NCAM1: variants seen among roughly 807,000 people sequenced by gnomAD.
NCAM1 encodes antigen recognized by monoclonal antibody 5.1H11.
NCAM1 carries 14 observed loss-of-function variants against 109.8 expected under a neutral mutation model. The ratio of observed to expected loss-of-function variants is 0.13; its 90% CI spans 0.08 to 0.20. NCAM1 has a LOEUF of 0.20. NCAM1 is among the 10% of genes least tolerant of loss of function. The pLI, the probability that NCAM1 is intolerant of heterozygous loss-of-function variation, is 1.00. For missense variants in NCAM1, 774 were observed against 1,109.9 expected (o/e 0.70, Z 4.30); for synonymous variants, 418 against 442.9 (o/e 0.94, Z 0.70).
At chr11:113,262,915 TG>T in intron 17 of NCAM1, 1 of 1,613,868 alleles carries the variant, frequency 6.2e-7, no homozygotes, top group Non-Finnish European at 8.5e-7. Context: ...ACTCTTCTTT[TG>T]CTCTGTTAGG....
At chr11:113,091,194 A>T (rs1361457814) in intron 1 of NCAM1, among the ~76,000 whole-genome samples, 4 of 152,062 alleles carry the variant, frequency 2.6e-5, no homozygotes, top group African/African-American at 9.7e-5. Flanking sequence ...GCTTCTCAAA[A>T]AGGTTAAGTA....
At chr11:113,064,916 A>G (rs1164991756) in intron 1 of NCAM1, among the ~76,000 whole-genome samples, 7 of 152,238 alleles carry the variant, frequency 4.6e-5, no homozygotes, top group African/African-American at 9.6e-5. Context: ...AGGTTAGTAT[A>G]CATACATATA....
chr11:113,174,464 A>G (rs921520621), intron 1 of NCAM1, among the ~76,000 whole-genome samples: 4 of 152,208 alleles, frequency 2.6e-5, no homozygotes, highest in Admixed American at 6.5e-5. Flanking sequence ...AAAATCTGCA[A>G]CAGTGATTTG....
At chr11:113,003,116 A>G (rs1263512067) in intron 1 of NCAM1, among the ~76,000 whole-genome samples, 2 of 152,244 alleles carry the variant, frequency 1.3e-5, no homozygotes, top group African/African-American at 4.8e-5. Context: ...ATCATTTAGA[A>G]GAGAAGCTTA....
Position 113,121,537 on chromosome 11 carries a change from CAAAAAAA to C in NCAM1, c.53-80827_53-80821del, listed in dbSNP as rs3051887. On this transcript the variant is annotated intron_variant, in intron 1 of 19. Coordinates refer to ENST00000316851, the MANE Select transcript of NCAM1 (RefSeq NM_181351.5). The stretch of plus-strand genomic sequence containing the variant: ...TGCCTGGCCAACACCACCAATCTTA[CAAAAAAA>C]AAAAAAAAAAAAAAGGCACTGTACT... Among the ~76,000 whole-genome samples the C allele has an allele frequency of 1.9e-3, 174 of 92,430 alleles. 4 individuals carry two copies. The South Asian group carries it at 0.074, about 39-fold the overall frequency. The allele number at this position is 92,430 out of a possible 152,430, so 60.6% of individuals were successfully genotyped here.
intron 1 of NCAM1, among the ~76,000 whole-genome samples, chr11:113,028,315 G>A (rs1223562625): frequency 6.6e-6 from 1 of 151,932 alleles, no homozygotes; most frequent in Admixed American, 6.6e-5. Flanking sequence ...CAATTATTAT[G>A]TGTCAATTAT....
chr11:113,187,306 TC>T (rs1325388571), intron 1 of NCAM1, among the ~76,000 whole-genome samples: 2 of 152,164 alleles, frequency 1.3e-5, no homozygotes, highest in African/African-American at 4.8e-5. Context: ...AGAATTGAAT[TC>T]ATTTTGGGCA....
intron 1 of NCAM1, among the ~76,000 whole-genome samples, chr11:112,969,233 G>A (rs1950809966): frequency 6.6e-6 from 1 of 152,036 alleles, no homozygotes; most frequent in African/African-American, 2.4e-5. Flanking sequence ...AGAGTAGTGG[G>A]GAGGAGTAGC....
At chr11:113,041,534 G>A (rs930466703) in intron 1 of NCAM1, among the ~76,000 whole-genome samples, 1 of 152,132 alleles carries the variant, frequency 6.6e-6, no homozygotes, top group Non-Finnish European at 1.5e-5. Context: ...GTTATGTAAT[G>A]GGGATGACTA....
At chr11:113,044,231 G>A (rs975466813) in intron 1 of NCAM1, among the ~76,000 whole-genome samples, 3 of 151,800 alleles carry the variant, frequency 2.0e-5, no homozygotes, top group African/African-American at 7.3e-5. Flanking sequence ...ACTTCTTCTG[G>A]GCATGGCAGC....
intron 1 of NCAM1, among the ~76,000 whole-genome samples, chr11:113,020,074 TCC>T (rs1221138547): frequency 3.3e-5 from 5 of 152,320 alleles, no homozygotes; most frequent in African/African-American, 1.2e-4. Context: ...ATCCTCCAAG[TCC>T]TTTGGGAGAC....
chr11:113,255,913 G>A lies in NCAM1; in HGVS notation c.1865G>A (p.Gly622Glu), dbSNP rs1591464260. 6.2e-7 allele frequency: 1 copy of A among 1,612,264 alleles called. No homozygotes were observed. The highest frequency in any genetic ancestry group is 1.3e-5 in the African/African-American group (1 of 74,906). ...PSAPKLEGQMGEDGNSIKVNL... is the reference protein window; with the variant it reads ...PSAPKLEGQMEEDGNSIKVNL... ...GCACCTAAGCTCGAAGGGCAGATGG[G>A]AGAGGATGGAAACTCTATTAAAGTG... Residue 622 changes from glycine to glutamate, a missense_variant, in exon 16 of 20, where the codon GGA becomes GAA. By Grantham distance (98) the Gly-to-Glu change is moderately conservative. This residue lies in a region of NCAM1 where 523 missense variants were observed against 784.2 expected (regional missense o/e 0.67). Transcript: ENST00000316851.
chr11:113,149,477 A>G (rs1370960125), intron 1 of NCAM1, among the ~76,000 whole-genome samples: 1 of 152,192 alleles, frequency 6.6e-6, no homozygotes, highest in Non-Finnish European at 1.5e-5. Flanking sequence ...AAATGGAAGA[A>G]ATAAGATGAA....
chr11:113,096,405 G>C (rs1939599112), intron 1 of NCAM1, among the ~76,000 whole-genome samples: 2 of 152,212 alleles, frequency 1.3e-5, no homozygotes, highest in African/African-American at 4.8e-5. Flanking sequence ...GGGTGAACGT[G>C]AGAGATGTTA....
intron 1 of NCAM1, among the ~76,000 whole-genome samples, chr11:113,025,824 G>GAGAGAGAGAGAGA: frequency 1.1e-5 from 1 of 87,236 alleles, no homozygotes; most frequent in African/African-American, 4.5e-5. Context: ...AGAGAGAGAG[G>GAGAGAGAGAGAGA]GAGAGAGAGA....
intron 9 of NCAM1, chr11:113,231,359 G>A (rs1591440633): frequency 6.8e-7 from 1 of 1,462,728 alleles, no homozygotes; most frequent in Non-Finnish European, 9.2e-7. Flanking sequence ...GTCATCTTGG[G>A]GGACCTAGCC....
chr11:113,251,061 A>G (rs1179871971), intron 15 of NCAM1, among the ~76,000 whole-genome samples: 1 of 152,222 alleles, frequency 6.6e-6, no homozygotes. Flanking sequence ...TCAGCCTCCC[A>G]AAGTGCTGGG....
At chr11:112,972,913 T>C (rs566540373) in intron 1 of NCAM1, among the ~76,000 whole-genome samples, 1 of 152,130 alleles carries the variant, frequency 6.6e-6, no homozygotes, top group East Asian at 1.9e-4. Context: ...CCTGGGCGCA[T>C]TGAACTATGC....
chr11:112,978,055 CT>C (rs2134635556), intron 1 of NCAM1, among the ~76,000 whole-genome samples: 1 of 151,880 alleles, frequency 6.6e-6, no homozygotes, highest in South Asian at 2.1e-4. Context: ...TGTAAGGATC[CT>C]GAACGTTGGG....
Sources: allele counts gnomAD v4.1 joint callset (sites outside exome capture counted in the v4.1 genomes callset), GRCh38; gene constraint gnomAD v4.1.1; regional missense constraint gnomAD v4.1.1; transcripts MANE v1.5; gene names NCBI Gene and HGNC (gene_info 2026-07-23, HGNC 2026-07-21).